FMO4: variants seen among roughly 807,000 people sequenced by gnomAD.
FMO4 encodes dimethylaniline monooxygenase [N-oxide-forming] 4.
Under a neutral mutation model 43.3 loss-of-function variants are expected in FMO4, and 38 were observed. The ratio of observed to expected loss-of-function variants is 0.88; its 90% CI spans 0.68 to 1.15. The LOEUF is 1.15. Ranked by LOEUF, FMO4 falls within the 50% of genes most tolerant of loss-of-function variation. The pLI, the probability that FMO4 is intolerant of heterozygous loss-of-function variation, is 0.00. For missense variants in FMO4, 631 were observed against 663.3 expected, an observed-to-expected ratio of 0.95 and a Z score of 0.54; for synonymous variants, 224 against 232.2, an observed-to-expected ratio of 0.96 and a Z score of 0.32.
chr1:171,340,864 T>C (rs1424551232), intron 9 of FMO4, among the ~76,000 whole-genome samples: 1 of 152,088 alleles, frequency 6.6e-6, no homozygotes, highest in Non-Finnish European at 1.5e-5. Context: ...GGTCAATAAA[T>C]TTAGAGGAAA....
In FMO4 at chr1:171,314,264, G is replaced by A. The variant is rs1662110471; in HGVS notation, c.-300G>A. 1 of 151,984 alleles carries A rather than the reference G, an allele frequency of 6.6e-6. No homozygotes were observed. The highest frequency in any genetic ancestry group is 1.5e-5 in the Non-Finnish European group (1 of 68,004). 9.4% of individuals were successfully genotyped at this position (151,984 alleles called of 1,614,324 possible). ...AGACGAATGGCTTTTGTTTTAAACT[G>A]AGGGCACTTTTACAAAAGTCATCTT... On this transcript the variant is annotated 5_prime_UTR_variant, in exon 1 of 10. An upstream open reading frame in the 5' UTR loses its in-frame stop. Transcript: ENST00000367749.
chr1:171,335,080 T>G (rs1009766616), intron 8 of FMO4, among the ~76,000 whole-genome samples: 1 of 152,184 alleles, frequency 6.6e-6, no homozygotes, highest in Non-Finnish European at 1.5e-5. Flanking sequence ...ATCTTTTCAT[T>G]TAGTACTAGA....
chr1:171,317,728 G>T (rs1662253373), intron 2 of FMO4, among the ~76,000 whole-genome samples: 2 of 152,012 alleles, frequency 1.3e-5, no homozygotes, highest in African/African-American at 2.4e-5. Flanking sequence ...CGTTCCTTGG[G>T]GACTTTATTT....
intron 5 of FMO4, among the ~76,000 whole-genome samples, chr1:171,326,300 A>G (rs1274834726): frequency 2.6e-5 from 4 of 152,182 alleles, no homozygotes; most frequent in Non-Finnish European, 5.9e-5. Context: ...TAGAAATCAC[A>G]AGCTTTGTCT....
chr1:171,341,661 G>T lies in FMO4; in HGVS notation c.1499G>T (p.Arg500Leu), dbSNP rs748800692. 3 of 1,613,748 alleles carry T rather than the reference G, an allele frequency of 1.9e-6. No individual in the cohort carries two copies. The highest frequency in any genetic ancestry group is 1.1e-5 in the South Asian group (1 of 91,074). The change falls in exon 10 of 10, where the codon CGA becomes CTA. Residue 500 changes from arginine (R) to leucine (L), a missense_variant. Physicochemically the swap from Arg to Leu is moderately radical, Grantham distance 102. Transcript: ENST00000367749. ...AGAACATTGAAACCTTTAAAAACTC[G>T]AATTGTCCCTGATTCCTCCAAGCCT... Reference protein sequence around the residue: ...WDRTLKPLKTRIVPDSSKPAS... With the variant: ...WDRTLKPLKTLIVPDSSKPAS...
At chr1:171,320,004 C>T (rs1384916262) in intron 3 of FMO4, 47 bp downstream of exon 3, 1 of 1,607,428 alleles carries the variant, frequency 6.2e-7, no homozygotes, top group African/African-American at 1.3e-5. Flanking sequence ...TTTGCTTTGT[C>T]TCTGCTCAGA....
intron 2 of FMO4, among the ~76,000 whole-genome samples, chr1:171,319,078 T>C (rs1662304918): frequency 6.6e-6 from 1 of 152,202 alleles, no homozygotes; most frequent in South Asian, 2.1e-4. Context: ...TTTTACACCC[T>C]GCCCTTTTGG....
intron 5 of FMO4, among the ~76,000 whole-genome samples, chr1:171,331,414 G>C (rs1338392456): frequency 6.6e-6 from 1 of 152,208 alleles, no homozygotes; most frequent in East Asian, 1.9e-4. Context: ...TGGAATTCAA[G>C]ATTTCCTATG....
chr1:171,327,897 A>T (rs528341942), intron 5 of FMO4, among the ~76,000 whole-genome samples: 53 of 152,266 alleles, frequency 3.5e-4, no homozygotes, highest in African/African-American at 1.2e-3. Context: ...TGGGTAACAG[A>T]GCTAAATTCT....
At chr1:171,315,388 A>G (rs12736072) in intron 1 of FMO4, among the ~76,000 whole-genome samples, 1 of 152,000 alleles carries the variant, frequency 6.6e-6, no homozygotes, top group African/African-American at 2.4e-5. Context: ...CGTTCTCCCA[A>G]TCCTTCAAGC....
chr1:171,315,648 C>G (rs2101869218), intron 1 of FMO4, among the ~76,000 whole-genome samples: 1 of 152,294 alleles, frequency 6.6e-6, no homozygotes, highest in Admixed American at 6.5e-5. Flanking sequence ...CACTCACTAC[C>G]TTCCTCTACT....
chr1:171,338,469 C>A (rs1415890882), intron 9 of FMO4, among the ~76,000 whole-genome samples: 1 of 152,134 alleles, frequency 6.6e-6, no homozygotes, highest in Non-Finnish European at 1.5e-5. Flanking sequence ...TATTGATATG[C>A]CCTCACTGCC....
At chr1:171,322,943 ATC>A (rs963286292) in intron 3 of FMO4, 59 bp from the exon 4 acceptor site, 35 of 1,279,920 alleles carry the variant, frequency 2.7e-5, no homozygotes, top group Non-Finnish European at 3.6e-5. Flanking sequence ...AGCCACCATG[ATC>A]TCTGTTCTCT....
intron 4 of FMO4, among the ~76,000 whole-genome samples, 196 bp downstream of exon 4, chr1:171,323,388 G>C (rs1662520894): frequency 6.6e-6 from 1 of 152,190 alleles, no homozygotes; most frequent in South Asian, 2.1e-4. Context: ...TTGGGGACGG[G>C]TGCAGTGGCT....
intron 3 of FMO4, among the ~76,000 whole-genome samples, chr1:171,321,064 A>T (rs1662404456): frequency 6.6e-6 from 1 of 152,122 alleles, no homozygotes; most frequent in South Asian, 2.1e-4. Flanking sequence ...AAAAAATGGT[A>T]TATTGTTAAC....
At chr1:171,327,126 T>G (rs1662702890) in intron 5 of FMO4, among the ~76,000 whole-genome samples, 1 of 152,198 alleles carries the variant, frequency 6.6e-6, no homozygotes, top group Non-Finnish European at 1.5e-5. Context: ...GAAAACCTCA[T>G]AAGTGGCTGA....
At chr1:171,328,285 C>T (rs1007670544) in intron 5 of FMO4, among the ~76,000 whole-genome samples, 2 of 152,126 alleles carry the variant, frequency 1.3e-5, no homozygotes, top group African/African-American at 4.8e-5. Flanking sequence ...TCAGGCAATC[C>T]ACCCACCTTG....
At chr1:171,329,257 A>G (rs1662802747) in intron 5 of FMO4, among the ~76,000 whole-genome samples, 1 of 152,062 alleles carries the variant, frequency 6.6e-6, no homozygotes, top group Admixed American at 6.6e-5. Flanking sequence ...TGGCTTTGTC[A>G]GGTGGTGTCC....
intron 1 of FMO4, 72 bp from the exon 2 acceptor site, chr1:171,316,114 C>CTATTCACGTCAGTA (rs1460171540): frequency 6.6e-6 from 1 of 152,160 alleles, no homozygotes; most frequent in Non-Finnish European, 1.5e-5. Flanking sequence ...TGCTTCCAGT[C>CTATTCACGTCAGTA]TATTCACGTC....
Sources: allele counts gnomAD v4.1 joint callset (sites outside exome capture counted in the v4.1 genomes callset), GRCh38; gene constraint gnomAD v4.1.1; transcripts MANE v1.5; gene names NCBI Gene and HGNC (gene_info 2026-07-23, HGNC 2026-07-21).